DAPP1: variants seen among roughly 807,000 people sequenced by gnomAD.
DAPP1 encodes dual adapter for phosphotyrosine and 3-phosphotyrosine and 3-phosphoinositide.
DAPP1 carries 20 observed loss-of-function variants against 41.5 expected under a neutral mutation model. The observed-to-expected ratio is 0.48, with a 90% CI of 0.34 to 0.70. The LOEUF is 0.70. Ranked by LOEUF, DAPP1 falls within the 30% of genes least tolerant of loss-of-function variation. The pLI is 0.01. For synonymous variants in DAPP1, 113 were observed against 116.2 expected, an observed-to-expected ratio of 0.97 and a Z score of 0.18; for missense variants, 233 against 333.4, an observed-to-expected ratio of 0.70 and a Z score of 2.35.
chr4:99,847,408 C>T (rs909454604), intron 3 of DAPP1, among the ~76,000 whole-genome samples: 4 of 138,422 alleles, frequency 2.9e-5, no homozygotes, highest in Non-Finnish European at 6.2e-5. Context: ...ATATGTAACT[C>T]TTACACATAA....
At chr4:99,820,088 C>T (rs2110131460) in intron 1 of DAPP1, among the ~76,000 whole-genome samples, 1 of 152,178 alleles carries the variant, frequency 6.6e-6, no homozygotes, top group East Asian at 1.9e-4. Context: ...TAAATTGTTG[C>T]TCAGCTTCGC....
intron 4 of DAPP1, among the ~76,000 whole-genome samples, chr4:99,856,823 G>C (rs886329456): frequency 6.6e-6 from 1 of 152,152 alleles, no homozygotes; most frequent in Non-Finnish European, 1.5e-5. Context: ...GTGCTGAGCC[G>C]AAGTTCCCAA....
At chr4:99,858,716 G>T (rs1724133547) in intron 4 of DAPP1, among the ~76,000 whole-genome samples, 2 of 151,796 alleles carry the variant, frequency 1.3e-5, no homozygotes, top group African/African-American at 4.8e-5. Flanking sequence ...ACATTCATTG[G>T]TTGTCATTCT....
intron 3 of DAPP1, among the ~76,000 whole-genome samples, chr4:99,848,666 G>C (rs1407511322): frequency 6.6e-6 from 1 of 152,190 alleles, no homozygotes; most frequent in Non-Finnish European, 1.5e-5. Context: ...TGATGTGTCT[G>C]TCTTGATTCA....
chr4:99,830,561 C>T (rs1176607241), intron 1 of DAPP1, among the ~76,000 whole-genome samples: 1 of 152,152 alleles, frequency 6.6e-6, no homozygotes, highest in Admixed American at 6.5e-5. Context: ...CCACCTTCAT[C>T]TCTCACCATT....
At chr4:99,850,956 T>A (rs1723834321) in intron 3 of DAPP1, among the ~76,000 whole-genome samples, 1 of 152,236 alleles carries the variant, frequency 6.6e-6, no homozygotes, top group African/African-American at 2.4e-5. Flanking sequence ...CGATAAGTAC[T>A]GAATGGCGGT....
At chr4:99,835,060 G>A (rs959030313) in intron 1 of DAPP1, among the ~76,000 whole-genome samples, 3 of 150,838 alleles carry the variant, frequency 2.0e-5, no homozygotes, top group Non-Finnish European at 4.4e-5. Context: ...CCAGGCTGGA[G>A]TGCAATGGCA....
chr4:99,838,291 T>TA (rs994280563), intron 2 of DAPP1, among the ~76,000 whole-genome samples: 45 of 152,282 alleles, frequency 3.0e-4, no homozygotes, highest in African/African-American at 1.0e-3. Context: ...GAATGCTTAT[T>TA]AAAAAAATGA....
At chr4:99,856,509 T>C (rs1387352905) in intron 4 of DAPP1, among the ~76,000 whole-genome samples, 3 of 152,110 alleles carry the variant, frequency 2.0e-5, no homozygotes, top group Non-Finnish European at 2.9e-5. Flanking sequence ...GGTGAGATTA[T>C]TGAGGTAATG....
intron 8 of DAPP1, chr4:99,866,510 C>T (rs549796275): frequency 1.3e-6 from 1 of 762,534 alleles, no homozygotes; most frequent in Admixed American, 1.7e-5. Flanking sequence ...AGAAAGTTTG[C>T]CAGAGGCACT....
chr4:99,826,729 C>T (rs906406874), intron 1 of DAPP1, among the ~76,000 whole-genome samples: 1 of 152,318 alleles, frequency 6.6e-6, no homozygotes, highest in East Asian at 1.9e-4. Context: ...CACTCCAGTG[C>T]CTTTGCTTAT....
At chr4:99,850,751 T>C (rs1723826802) in intron 3 of DAPP1, among the ~76,000 whole-genome samples, 1 of 152,208 alleles carries the variant, frequency 6.6e-6, no homozygotes, top group African/African-American at 2.4e-5. Flanking sequence ...CTAGGTCTTT[T>C]TTAAGATTTC....
intron 4 of DAPP1, among the ~76,000 whole-genome samples, chr4:99,859,677 C>T (rs12651045): frequency 5.9e-5 from 9 of 152,220 alleles, no homozygotes; most frequent in East Asian, 1.9e-4. Flanking sequence ...ACCCTTACCC[C>T]GACACTCCAA....
chr4:99,832,656 T>C lies in DAPP1; in HGVS notation c.102-2967T>C, dbSNP rs184228791. On this transcript the variant is annotated intron_variant, in intron 1 of 8. Transcript: ENST00000512369. ...GCTTAGTGTGATTCTTCTTGCATTATACTCAAGTATTTCTTATGTGTTTAT... is the reference window on the plus strand; with the variant it reads ...GCTTAGTGTGATTCTTCTTGCATTACACTCAAGTATTTCTTATGTGTTTAT... Among the ~76,000 whole-genome samples, 242 of 152,382 alleles carry C rather than the reference T, an allele frequency of 1.6e-3. 7 individuals carry two copies. The East Asian group carries it at 0.038, about 24-fold the overall frequency.
chr4:99,840,450 T>C (rs775495114), intron 3 of DAPP1, 28 bp downstream of exon 3: 10 of 1,599,188 alleles, frequency 6.3e-6, no homozygotes, highest in Middle Eastern at 1.7e-4. Context: ...ACTTGACTTA[T>C]GAAATAATGT....
intron 8 of DAPP1, among the ~76,000 whole-genome samples, chr4:99,867,014 C>A (rs1330800099): frequency 6.6e-6 from 1 of 152,090 alleles, no homozygotes; most frequent in African/African-American, 2.4e-5. Context: ...AAGTGATCCA[C>A]CAGCCTCAGC....
intron 7 of DAPP1, chr4:99,865,692 G>C (rs893825816): frequency 2.0e-5 from 3 of 151,456 alleles, no homozygotes; most frequent in Non-Finnish European, 2.9e-5. Context: ...AAGGATCTAG[G>C]GGTGTCCTGA....
At chr4:99,866,594 G>C (rs369807987) in intron 8 of DAPP1, 78 of 766,078 alleles carry the variant, frequency 1.0e-4, no homozygotes, top group Non-Finnish European at 1.8e-4. Context: ...TCTGCTCTCT[G>C]TATATCTCCC....
At chr4:99,827,277 G>A (rs939243099) in intron 1 of DAPP1, among the ~76,000 whole-genome samples, 5 of 152,132 alleles carry the variant, frequency 3.3e-5, no homozygotes, top group Admixed American at 1.3e-4. Flanking sequence ...GGCGCGGTCT[G>A]TAATCTCAGC....
Sources: gnomAD v4.1 joint callset for allele counts (sites outside exome capture counted in the v4.1 genomes callset) on GRCh38, gnomAD v4.1.1 for gene constraint, MANE v1.5 for transcripts, NCBI Gene and HGNC (gene_info 2026-07-23, HGNC 2026-07-21) for gene names.